The following MGAM2 variants were observed in gnomAD, a reference collection of about 807,000 sequenced individuals.
The protein encoded by MGAM2 is probable maltase-glucoamylase 2.
MGAM2 carries 98 observed loss-of-function variants against 96.1 expected under a neutral mutation model. That is an observed-to-expected ratio of 1.02 (90% confidence interval 0.87 to 1.21). The LOEUF is 1.21. Among genes scored for constraint, MGAM2 ranks in the 50% most tolerant of loss-of-function variants. MGAM2 has a pLI of 0.00. For synonymous variants in MGAM2, 749 were observed against 414.8 expected (o/e 1.81, Z -9.79); for missense variants, 2,055 against 1,182.4 (o/e 1.74, Z -10.82).
At chr7:142,218,286 G>A in intron 46 of MGAM2, 75 bp from the exon 47 acceptor site, 1 of 488,070 alleles carries the variant, frequency 2.0e-6, no homozygotes, top group Non-Finnish European at 3.6e-6. Flanking sequence ...ATTTAGGTTT[G>A]TTAATATTTT....
At chr7:142,144,579 G>A (rs1404384963) in intron 13 of MGAM2, among the ~76,000 whole-genome samples, 2 of 152,090 alleles carry the variant, frequency 1.3e-5, no homozygotes, top group Non-Finnish European at 2.9e-5. Context: ...CCTTTGAAAT[G>A]GTATTTCTGA....
At chr7:142,167,868 C>T (rs1051204585) in intron 26 of MGAM2, among the ~76,000 whole-genome samples, 2 of 152,066 alleles carry the variant, frequency 1.3e-5, no homozygotes, top group East Asian at 3.9e-4. Context: ...CACTGTGCCT[C>T]GCTGAAACAG....
In MGAM2 at chr7:142,183,171, A is replaced by G. The variant is rs1796593382; in HGVS notation, c.3817-95A>G. On this transcript the variant is annotated intron_variant, in intron 32 of 47. Coordinates refer to ENST00000477922, the MANE Select transcript of MGAM2 (RefSeq NM_001293626.2). Reference sequence around the variant, plus strand: ...TTTATTTTTGGTATTGAGATTCACCATTTCCTTCTGCACTATGAACTACTA... The same window carrying G: ...TTTATTTTTGGTATTGAGATTCACCGTTTCCTTCTGCACTATGAACTACTA... 8 of 612,942 alleles carry G rather than the reference A, an allele frequency of 1.3e-5. No homozygotes were observed. In the South Asian group the frequency reaches 1.6e-4, roughly 12 times the overall value. The allele number at this position is 612,942 out of a possible 1,614,324, so 38.0% of individuals were successfully genotyped here.
intron 4 of MGAM2, 94 bp downstream of exon 4, chr7:142,131,165 C>T (rs1448389507): frequency 1.7e-5 from 11 of 654,328 alleles, no homozygotes; most frequent in Admixed American, 6.5e-5. Flanking sequence ...GTCAGGCAGG[C>T]GTGGTGGCTC....
intron 13 of MGAM2, 93 bp downstream of exon 13, chr7:142,143,975 T>C (rs1171801057): frequency 3.0e-6 from 2 of 655,788 alleles, no homozygotes; most frequent in Non-Finnish European, 2.8e-6. Context: ...TAAATGTCAA[T>C]AAAAAATAGT....
intron 32 of MGAM2, among the ~76,000 whole-genome samples, chr7:142,180,974 C>A (rs1215076081): frequency 6.6e-6 from 1 of 152,130 alleles, no homozygotes; most frequent in Non-Finnish European, 1.5e-5. Flanking sequence ...AATTGAGTTT[C>A]AACATTCTCC....
chr7:142,200,378 C>A (rs1422800476), intron 45 of MGAM2, among the ~76,000 whole-genome samples: 1 of 152,148 alleles, frequency 6.6e-6, no homozygotes, highest in Non-Finnish European at 1.5e-5. Context: ...GCTCAAGAGG[C>A]AATTTAGAGG....
chr7:142,112,136 A>T (rs913391124), intron 1 of MGAM2, among the ~76,000 whole-genome samples: 1 of 151,698 alleles, frequency 6.6e-6, no homozygotes, highest in East Asian at 1.9e-4. Context: ...AACAGATGGG[A>T]TCCTTCTGGA....
intron 32 of MGAM2, among the ~76,000 whole-genome samples, chr7:142,176,319 C>T (rs4389847): frequency 0.53 from 81,149 of 152,014 alleles, 23,818 homozygotes; most frequent in African/African-American, 0.79. Flanking sequence ...CACATCTTGA[C>T]AAATGCAGAG....
At position 142,143,922 on chromosome 7, in the gene MGAM2, G is replaced by C. The variant is rs773211083; in HGVS notation, c.1431+40G>C. 12 of 699,362 alleles carry C rather than the reference G, an allele frequency of 1.7e-5. 1 individual carries two copies. The allele number at this position is 699,362 out of a possible 1,614,324, so 43.3% of individuals were successfully genotyped here. On this transcript the variant is annotated intron_variant, in intron 13 of 47. Coordinates refer to ENST00000477922, the MANE Select transcript of MGAM2 (RefSeq NM_001293626.2). ...CTGACTCAAATTTCCTTTGGAAACA[G>C]ATAACGCCAAATTTTCAGATGAGTT...
At chr7:142,156,141 G>T (rs148354287) in intron 17 of MGAM2, among the ~76,000 whole-genome samples, 2 of 149,698 alleles carry the variant, frequency 1.3e-5, no homozygotes, top group African/African-American at 2.5e-5. Context: ...GCAAAATTCC[G>T]TCTCAAAACA....
At chr7:142,208,698 A>G (rs1394783085) in intron 46 of MGAM2, 76 bp downstream of exon 46, 5 of 672,996 alleles carry the variant, frequency 7.4e-6, no homozygotes, top group Non-Finnish European at 1.3e-5. Context: ...AACTGCGTAA[A>G]TGTAATATCC....
chr7:142,122,516 T>C (rs1794608573), intron 3 of MGAM2, among the ~76,000 whole-genome samples: 1 of 152,226 alleles, frequency 6.6e-6, no homozygotes, highest in Non-Finnish European at 1.5e-5. Flanking sequence ...CATTTCCCAA[T>C]AGTTATTCCG....
intron 3 of MGAM2, among the ~76,000 whole-genome samples, chr7:142,130,435 G>C (rs1206151664): frequency 6.6e-6 from 1 of 152,132 alleles, no homozygotes; most frequent in African/African-American, 2.4e-5. Context: ...AATGTTTTTG[G>C]CACAAGAAAT....
Position 142,186,128 on chromosome 7 carries a change from G to C in MGAM2, c.4122+5G>C. 1 of 695,608 alleles carries C rather than the reference G, an allele frequency of 1.4e-6. No individual in the cohort carries two copies. The allele number at this position is 695,608 out of a possible 1,614,324, so 43.1% of individuals were successfully genotyped here. On this transcript the variant is annotated splice_donor_5th_base_variant and intron_variant, in intron 35 of 47. Coordinates refer to ENST00000477922, the MANE Select transcript of MGAM2 (RefSeq NM_001293626.2). ...AAGTTTGATGGATTGTGGATTGTAA[G>C]TGCACCCTTGGTTGTCTTTTTTTTT...
intron 6 of MGAM2, among the ~76,000 whole-genome samples, chr7:142,132,487 T>C (rs1472098451): frequency 5.8e-5 from 8 of 137,940 alleles, no homozygotes; most frequent in Non-Finnish European, 1.2e-4. Context: ...AATTTCATAA[T>C]TTAAAATTAA....
chr7:142,218,450 T>A lies in MGAM2; in HGVS notation c.5277T>A (p.Asn1759Lys). Residue 1759 changes from asparagine (N) to lysine (K), a missense_variant, in exon 47 of 48, where the codon AAT becomes AAA. Physicochemically the swap from Asn to Lys is moderately conservative, Grantham distance 94. Transcript: ENST00000477922. ...KVGYIRIWGV[N>K]TYVTQVSFTY... is the part of the protein sequence containing the mutation. ...GGTATATTAGAATCTGGGGTGTGAA[T>A]ACCTATGTGACACAAGTCAGTTTCA... 1 of 702,596 alleles carries A rather than the reference T, an allele frequency of 1.4e-6. No homozygotes were observed. Among genetic ancestry groups the A allele is most frequent in the Non-Finnish European group, 2.6e-6 (1 of 384,866 alleles). 43.5% of individuals were successfully genotyped at this position (702,596 alleles called of 1,614,324 possible). A position where few individuals can be genotyped will look rare whatever the true frequency, so the allele number is the denominator to read the frequency against.
At chr7:142,133,873 C>T (rs1415371137) in intron 6 of MGAM2, 108 bp from the exon 7 acceptor site, 9 of 501,264 alleles carry the variant, frequency 1.8e-5, no homozygotes, top group Middle Eastern at 7.1e-4. Context: ...AAATTGCTAA[C>T]GCCTGAAACA....
chr7:142,142,989 G>C (rs1202254427), intron 12 of MGAM2, among the ~76,000 whole-genome samples: 1 of 152,136 alleles, frequency 6.6e-6, no homozygotes. Context: ...GATGCCCATC[G>C]CCTAAAACAA....
Sources: gnomAD v4.1 joint callset for allele counts (sites outside exome capture counted in the v4.1 genomes callset) on GRCh38, gnomAD v4.1.1 for gene constraint, MANE v1.5 for transcripts, NCBI Gene and HGNC (gene_info 2026-07-23, HGNC 2026-07-21) for gene names.